ARHGAP8: variants seen among roughly 807,000 people sequenced by gnomAD.
ARHGAP8 encodes rho GTPase-activating protein 8.
ARHGAP8 carries 62 observed loss-of-function variants against 46.1 expected under a neutral mutation model. The ratio of observed to expected loss-of-function variants is 1.34; its 90% CI spans 1.10 to 1.66. The LOEUF is 1.66. Ranked by LOEUF, ARHGAP8 falls within the 40% of genes most tolerant of loss-of-function variation. The pLI is 0.00. For missense variants in ARHGAP8, 923 were observed against 568.4 expected, an observed-to-expected ratio of 1.62 and a Z score of -6.34; for synonymous variants, 375 against 243.1, an observed-to-expected ratio of 1.54 and a Z score of -5.05.
At chr22:44,859,508 C>T (rs957513374) in intron 10 of ARHGAP8, among the ~76,000 whole-genome samples, 1 of 152,158 alleles carries the variant, frequency 6.6e-6, no homozygotes, top group Non-Finnish European at 1.5e-5. Flanking sequence ...GCCAGTTAAA[C>T]CTCTTTTCTT....
intron 9 of ARHGAP8, 137 bp from the exon 10 acceptor site, chr22:44,848,792 GCAT>G: frequency 6.8e-7 from 1 of 1,466,734 alleles, no homozygotes; most frequent in South Asian, 1.3e-5. Context: ...GGTGGGGACA[GCAT>G]CATCCCTAGG....
intron 3 of ARHGAP8, 116 bp from the exon 4 acceptor site, chr22:44,808,191 T>C (rs1040100614): frequency 1.7e-5 from 26 of 1,488,526 alleles, no homozygotes; most frequent in Non-Finnish European, 2.2e-5. Context: ...GGAGTCTCCA[T>C]GTGGCCCGGT....
intron 1 of ARHGAP8, among the ~76,000 whole-genome samples, chr22:44,779,386 C>G (rs1447332613): frequency 6.6e-6 from 1 of 151,828 alleles, no homozygotes; most frequent in Non-Finnish European, 1.5e-5. Flanking sequence ...CAAGCATGAG[C>G]TACTGCGCCC....
At chr22:44,845,176 T>C in intron 7 of ARHGAP8, 93 bp from the exon 8 acceptor site, 1 of 1,497,588 alleles carries the variant, frequency 6.7e-7, no homozygotes, top group Non-Finnish European at 9.1e-7. Flanking sequence ...TCCTGTGTTT[T>C]CACAGGGGTG....
chr22:44,811,098 C>T (rs1323463491), intron 4 of ARHGAP8, among the ~76,000 whole-genome samples: 1 of 152,208 alleles, frequency 6.6e-6, no homozygotes, highest in Non-Finnish European at 1.5e-5. Context: ...AGAAACAAAC[C>T]CGTAATCAGC....
At chr22:44,768,694 G>A (rs951398656) in intron 1 of ARHGAP8, among the ~76,000 whole-genome samples, 16 of 152,128 alleles carry the variant, frequency 1.1e-4, no homozygotes, top group Non-Finnish European at 2.1e-4. Context: ...TTCAGATGAA[G>A]CCTTTTGGGC....
rs1191913526 is a variant in ARHGAP8 at position 44,814,671 on chromosome 22, G to T, written c.300-1G>T. 1 of 1,613,708 alleles carries T rather than the reference G, an allele frequency of 6.2e-7. No homozygotes were observed. Among genetic ancestry groups the T allele is most frequent in the Non-Finnish European group, 8.5e-7 (1 of 1,179,860 alleles). On this transcript the variant is annotated splice_acceptor_variant, in intron 4 of 11. Coordinates refer to ENST00000356099, the MANE Select transcript of ARHGAP8 (RefSeq NM_181335.3). LOFTEE classifies it high-confidence loss of function. ...AAGTCATCCCCCGTTTCCCTCCTCAGGTACAAGAAGAACTTGAAGGCCCTC... is the reference window on the plus strand; with the variant it reads ...AAGTCATCCCCCGTTTCCCTCCTCATGTACAAGAAGAACTTGAAGGCCCTC...
intron 2 of ARHGAP8, among the ~76,000 whole-genome samples, chr22:44,792,626 A>G (rs1927776081): frequency 6.6e-6 from 1 of 151,932 alleles, no homozygotes; most frequent in South Asian, 2.1e-4. Context: ...CCACCAACGC[A>G]TTTCTGAATT....
intron 6 of ARHGAP8, among the ~76,000 whole-genome samples, chr22:44,823,734 C>G (rs550395180): frequency 1.6e-4 from 24 of 152,256 alleles, no homozygotes; most frequent in African/African-American, 5.5e-4. Flanking sequence ...GGGTAACTCA[C>G]ATCCTCCTGT....
intron 3 of ARHGAP8, among the ~76,000 whole-genome samples, chr22:44,806,720 C>T (rs111931266): frequency 0.065 from 9,885 of 151,842 alleles, 383 homozygotes; most frequent in African/African-American, 0.089. Flanking sequence ...TTTGGGAGGC[C>T]GAGGCGGGTG....
At position 44,833,171 on chromosome 22, in the gene ARHGAP8, A is replaced by G. The variant is rs142658297; in HGVS notation, c.596+7578A>G. 8.9e-3 allele frequency among the ~76,000 whole-genome samples: 1,323 copies of G among 147,908 alleles called. 21 individuals carry two copies. The highest frequency in any genetic ancestry group is 0.031 in the African/African-American group (1,239 of 39,988). On this transcript the variant is annotated intron_variant, in intron 7 of 11. Coordinates refer to ENST00000356099, the MANE Select transcript of ARHGAP8 (RefSeq NM_181335.3). The stretch of plus-strand genomic sequence containing the variant: ...GAGCACAGTGGTGCAATTATAGATC[A>G]GTGCAACCTCAGATTCCTGGGCTCC...
At chr22:44,839,081 G>A (rs899409168) in intron 7 of ARHGAP8, among the ~76,000 whole-genome samples, 1 of 152,156 alleles carries the variant, frequency 6.6e-6, no homozygotes, top group Non-Finnish European at 1.5e-5. Context: ...GAACCAGAGA[G>A]GAGGAAAAGA....
chr22:44,859,856 T>C, intron 11 of ARHGAP8, 22 bp downstream of exon 11: 2 of 1,610,438 alleles, frequency 1.2e-6, no homozygotes, highest in South Asian at 1.1e-5. Flanking sequence ...AGGGGGGAGC[T>C]TGGGGTGAAG....
At chr22:44,780,030 G>T (rs1313258012) in intron 1 of ARHGAP8, among the ~76,000 whole-genome samples, 1 of 152,204 alleles carries the variant, frequency 6.6e-6, no homozygotes, top group Non-Finnish European at 1.5e-5. Context: ...GGCAGCAGGT[G>T]TCCCATCTGC....
chr22:44,814,814 G>GCTCGTGAGGCCTGGGAGGC, intron 5 of ARHGAP8, 56 bp downstream of exon 5: 1 of 1,593,236 alleles, frequency 6.3e-7, no homozygotes, highest in Non-Finnish European at 8.6e-7. Flanking sequence ...ACCCCTCAGG[G>GCTCGTGAGGCCTGGGAGGC]TCCATGGGAC....
intron 1 of ARHGAP8, among the ~76,000 whole-genome samples, chr22:44,764,728 G>A (rs1227886435): frequency 3.3e-5 from 5 of 152,258 alleles, no homozygotes. Flanking sequence ...GCAGTTCACG[G>A]GAAAGAGAAA....
intron 5 of ARHGAP8, among the ~76,000 whole-genome samples, chr22:44,822,059 G>A (rs893120458): frequency 1.3e-5 from 2 of 152,210 alleles, no homozygotes; most frequent in Admixed American, 6.5e-5. Flanking sequence ...CCCCAAAAGC[G>A]CTTCTTGGCA....
At chr22:44,830,552 T>A (rs1930874299) in intron 7 of ARHGAP8, among the ~76,000 whole-genome samples, 1 of 151,710 alleles carries the variant, frequency 6.6e-6, no homozygotes, top group African/African-American at 2.4e-5. Flanking sequence ...AGTTTTGTTT[T>A]CTGAGACAAA....
intron 7 of ARHGAP8, among the ~76,000 whole-genome samples, chr22:44,826,208 G>A (rs1930513273): frequency 1.3e-5 from 2 of 152,058 alleles, no homozygotes; most frequent in African/African-American, 2.4e-5. Context: ...ACGGCACGTG[G>A]TCACTCTGCA....
Sources: allele counts gnomAD v4.1 joint callset (sites outside exome capture counted in the v4.1 genomes callset), GRCh38; gene constraint gnomAD v4.1.1; transcripts MANE v1.5; gene names NCBI Gene and HGNC (gene_info 2026-07-23, HGNC 2026-07-21).